ZC3HAV1L: variants seen among roughly 807,000 people sequenced by gnomAD.
ZC3HAV1L encodes ZC3HAV1 like, also known as zinc finger CCCH-type antiviral protein 1-like.
ZC3HAV1L carries 23 observed loss-of-function variants against 28.2 expected under a neutral mutation model. The ratio of observed to expected loss-of-function variants is 0.82; its 90% CI spans 0.59 to 1.16. The LOEUF is 1.16. Among genes scored for constraint, ZC3HAV1L ranks in the 50% most tolerant of loss-of-function variants. ZC3HAV1L has a pLI of 0.00. For missense variants in ZC3HAV1L, 376 were observed against 387.7 expected, an observed-to-expected ratio of 0.97 and a Z score of 0.25; for synonymous variants, 180 against 163.4, an observed-to-expected ratio of 1.10 and a Z score of -0.78.
chr7:139,034,945 G>A (rs1260738918), intron 1 of ZC3HAV1L: 2 of 985,284 alleles, frequency 2.0e-6, no homozygotes, highest in Admixed American at 6.2e-5. Flanking sequence ...CATCTGTTCC[G>A]TAGGCGACTG....
downstream of ZC3HAV1L, among the ~76,000 whole-genome samples, chr7:139,022,940 C>G (rs756691759): frequency 2.6e-5 from 4 of 152,020 alleles, no homozygotes; most frequent in African/African-American, 9.7e-5. Context: ...TTTGGGAGGG[C>G]GAGGTGGGTG....
chr7:139,034,308 A>G (rs1206301986), intron 2 of ZC3HAV1L, among the ~76,000 whole-genome samples: 2 of 152,112 alleles, frequency 1.3e-5, no homozygotes, highest in Non-Finnish European at 2.9e-5. Context: ...TGATGTTCCA[A>G]TTTTCTCTTG....
At position 139,035,636 on chromosome 7, in the gene ZC3HAV1L, C is replaced by T. The variant is rs1411893782; in HGVS notation, c.365+17G>A. ...GCGGCCAGCGCCCACAGTCCCCGCC[C>T]GCCGCCGCCTTCTCACCAGCAGTCC... On this transcript the variant is annotated intron_variant, in intron 1 of 4. Coordinates refer to ENST00000275766, the MANE Select transcript of ZC3HAV1L (RefSeq NM_080660.4). 1.4e-5 allele frequency: 20 copies of T among 1,390,640 alleles called. No individual in the cohort carries two copies. The highest frequency in any genetic ancestry group is 1.8e-5 in the Non-Finnish European group (19 of 1,080,880). 86.1% of individuals were successfully genotyped at this position (1,390,640 alleles called of 1,614,324 possible).
chr7:139,028,606 C>T, intron 3 of ZC3HAV1L, 96 bp downstream of exon 3: 1 of 1,481,642 alleles, frequency 6.7e-7, no homozygotes. Flanking sequence ...GCTTTGCCCC[C>T]AGACTCACTT....
chr7:139,034,962 G>C (rs2130639744), intron 1 of ZC3HAV1L: 2 of 985,386 alleles, frequency 2.0e-6, no homozygotes, highest in East Asian at 2.3e-4. Context: ...ACTGCACCTG[G>C]CCTTCTCCCC....
downstream of ZC3HAV1L, among the ~76,000 whole-genome samples, chr7:139,024,976 GGGTAGGTGGAGAGCA>G (rs1815315726): frequency 7.3e-6 from 1 of 136,950 alleles, no homozygotes; most frequent in African/African-American, 3.0e-5. Flanking sequence ...GAACACAGCT[GGGTAGGTGGAGAGCA>G]GGGAGGAAGG....
rs190420826 is a variant in ZC3HAV1L at position 139,027,523 on chromosome 7, T to A, written c.761-690A>T. On this transcript the variant is annotated intron_variant, in intron 3 of 4. Transcript: ENST00000275766. ...CCTTGTCCCTACAAAAGAAAAATTT[T>A]AAAAAATAGCTGGACATGGTGGCAT... Among the ~76,000 whole-genome samples the A allele has an allele frequency of 3.8e-3, 581 of 152,108 alleles. 4 individuals are homozygous for A. The highest frequency in any genetic ancestry group is 0.013 in the African/African-American group (543 of 41,494).
chr7:139,034,208 T>C, intron 2 of ZC3HAV1L: 1 of 980,386 alleles, frequency 1.0e-6, no homozygotes, highest in Non-Finnish European at 1.2e-6. Flanking sequence ...TCTCCCCTTC[T>C]TCCCATCCCT....
In ZC3HAV1L at chr7:139,026,499, C is replaced by G. The variant is rs1180234812; in HGVS notation, c.*45G>C. On this transcript the variant is annotated 3_prime_UTR_variant, in exon 5 of 5. Transcript: ENST00000275766. Reference sequence around the variant, plus strand: ...CACCCCATCCCCAACCACCCATGCCCAAATGTATTCTTCCAAAAGGACATT... The same window carrying G: ...CACCCCATCCCCAACCACCCATGCCGAAATGTATTCTTCCAAAAGGACATT... 1.2e-6 allele frequency: 2 copies of G among 1,611,740 alleles called. No homozygotes were observed. The highest frequency in any genetic ancestry group is 2.7e-5 in the African/African-American group (2 of 75,048).
In ZC3HAV1L at chr7:139,028,724, C is replaced by T. The variant is rs780664421; in HGVS notation, c.738G>A (p.Leu246=). 6.2e-7 allele frequency: 1 copy of T among 1,613,946 alleles called. No homozygotes were observed. The highest frequency in any genetic ancestry group is 8.5e-7 in the Non-Finnish European group (1 of 1,179,894). ...QIISTYKHMK[L]HKMLENTDNS... ...TACCTGTATTTTCAAGCATCTTGTG[C>T]AGCTTCATATGCTTGTAGGTGGAGA... is the stretch of plus-strand genomic sequence containing the variant. The change falls in exon 3 of 5, where the codon CTG becomes CTA. Residue 246 remains leucine (L), a synonymous_variant. Coordinates refer to ENST00000275766, the MANE Select transcript of ZC3HAV1L (RefSeq NM_080660.4).
intron 2 of ZC3HAV1L, among the ~76,000 whole-genome samples, chr7:139,032,566 T>C (rs1274756142): frequency 2.0e-5 from 3 of 147,216 alleles, no homozygotes; most frequent in Non-Finnish European, 3.0e-5. Context: ...GAGCTTGCAG[T>C]GAGCCGAGAC....
At chr7:139,023,796 G>T (rs1484302242), downstream of ZC3HAV1L, among the ~76,000 whole-genome samples, 1 of 152,164 alleles carries the variant, frequency 6.6e-6, no homozygotes, top group Non-Finnish European at 1.5e-5. Flanking sequence ...CTGAGTTTAT[G>T]CATCTGTAGG....
In ZC3HAV1L at chr7:139,035,295, C is replaced by G. The variant is rs566266606; in HGVS notation, c.365+358G>C. On this transcript the variant is annotated intron_variant, in intron 1 of 4. Transcript: ENST00000275766. Reference sequence around the variant, plus strand: ...GGGTCCAGGGATCTCATGGGATCCTCAGACGCCCCACGCCCCCCACCTCCC... The same window carrying G: ...GGGTCCAGGGATCTCATGGGATCCTGAGACGCCCCACGCCCCCCACCTCCC... 2.0e-4 allele frequency: 193 copies of G among 985,432 alleles called. 1 individual carries two copies. The African/African-American group carries it at 3.1e-3, about 16-fold the overall frequency. The allele number at this position is 985,432 out of a possible 1,614,324, so 61.0% of individuals were successfully genotyped here. A position where few individuals can be genotyped will look rare whatever the true frequency, so the allele number is the denominator to read the frequency against.
intron 2 of ZC3HAV1L, among the ~76,000 whole-genome samples, chr7:139,032,772 G>C (rs1006648295): frequency 2.0e-5 from 3 of 151,836 alleles, no homozygotes; most frequent in South Asian, 4.2e-4. Flanking sequence ...TAAAGTAATG[G>C]TATGCTAATT....
At chr7:139,031,000 C>T (rs1447441123) in intron 2 of ZC3HAV1L, among the ~76,000 whole-genome samples, 1 of 152,056 alleles carries the variant, frequency 6.6e-6, no homozygotes, top group Non-Finnish European at 1.5e-5. Flanking sequence ...AATGAAATAG[C>T]ATCCTATTTA....
chr7:139,034,712 G>A, intron 1 of ZC3HAV1L, 34 bp from the exon 2 acceptor site: 1 of 1,611,996 alleles, frequency 6.2e-7, no homozygotes, highest in Non-Finnish European at 8.5e-7. Flanking sequence ...AGATGCCCAG[G>A]TGAAGAAGGA....
In ZC3HAV1L at chr7:139,035,828, C is replaced by G. The variant is rs1274311088; in HGVS notation, c.190G>C (p.Glu64Gln). The G allele has an allele frequency of 2.7e-6, 4 of 1,485,790 alleles. No homozygotes were observed. The highest frequency in any genetic ancestry group is 2.7e-6 in the Non-Finnish European group (3 of 1,126,942). The allele number at this position is 1,485,790 out of a possible 1,614,324, so 92.0% of individuals were successfully genotyped here. ...ACCGCGCCGGCCGCCGCCTCGGCCT[C>G]CGCGTCCCCGAGGCCCTCCTGCGTC... ...VETQEGLGDAEAEAAAGAVGG... is the reference protein window; with the variant it reads ...VETQEGLGDAQAEAAAGAVGG... Residue 64 changes from glutamate to glutamine, a missense_variant, in exon 1 of 5, where the codon GAG (glutamate) becomes CAG (glutamine). Transcript: ENST00000275766.
chr7:139,028,751 T>A lies in ZC3HAV1L; in HGVS notation c.711A>T (p.Ile237=), dbSNP rs777826154. The change falls in exon 3 of 5, where the codon ATA becomes ATT. Residue 237 remains isoleucine, a synonymous_variant. Transcript: ENST00000275766. ...GCTTCATATGCTTGTAGGTGGAGAT[T>A]ATCTGAAAATTAACAACACTTGGAA... ...LNIPSVVNFQ[I]ISTYKHMKLH... 3.1e-6 allele frequency: 5 copies of A among 1,614,196 alleles called. No homozygotes were observed. Among genetic ancestry groups the A allele is most frequent in the Non-Finnish European group, 4.2e-6 (5 of 1,180,040 alleles).
downstream of ZC3HAV1L, among the ~76,000 whole-genome samples, chr7:139,021,972 G>C (rs183744742): frequency 6.6e-6 from 1 of 151,992 alleles, no homozygotes; most frequent in South Asian, 2.1e-4. Context: ...TCTAATAATA[G>C]AGATTCCCAT....
Sources: gnomAD v4.1 joint callset for allele counts (sites outside exome capture counted in the v4.1 genomes callset) on GRCh38, gnomAD v4.1.1 for gene constraint, MANE v1.5 for transcripts, NCBI Gene and HGNC (gene_info 2026-07-23, HGNC 2026-07-21) for gene names.